The following SPAG16 variants were observed in gnomAD, a reference collection of about 807,000 sequenced individuals.
The protein encoded by SPAG16 is sperm associated antigen 16, also known as sperm-associated antigen 16 protein.
Under a neutral mutation model 80.4 loss-of-function variants are expected in SPAG16, and 86 were observed. The observed-to-expected ratio is 1.07, with a 90% CI of 0.90 to 1.28. The LOEUF (loss-of-function observed/expected upper bound fraction) is 1.28, where lower values mean the gene tolerates loss of function less well. SPAG16 is among the 50% of genes most tolerant of loss of function. SPAG16 has a pLI of 0.00. For missense variants in SPAG16, 870 were observed against 765.3 expected (o/e 1.14, Z -1.61); for synonymous variants, 294 against 265.9 (o/e 1.11, Z -1.03).
At chr2:214,300,357 G>T (rs1694460182) in intron 15 of SPAG16, among the ~76,000 whole-genome samples, 1 of 152,044 alleles carries the variant, frequency 6.6e-6, no homozygotes, top group Non-Finnish European at 1.5e-5. Flanking sequence ...AATTATTTTA[G>T]TCCTCCATTG....
intron 13 of SPAG16, among the ~76,000 whole-genome samples, chr2:214,060,173 T>G (rs551444761): frequency 1.3e-5 from 2 of 152,118 alleles, no homozygotes; most frequent in African/African-American, 4.8e-5. Flanking sequence ...GGAAAAAAAT[T>G]TTTCCCTATA....
chr2:213,322,334 C>CAAAAAAAA (rs755345457), intron 5 of SPAG16, among the ~76,000 whole-genome samples: 2 of 23,698 alleles, frequency 8.4e-5, no homozygotes, highest in African/African-American at 2.9e-4. Flanking sequence ...GTAGACAATG[C>CAAAAAAAA]AAAAAAAAAA....
At chr2:214,198,758 G>C (rs761048108) in intron 15 of SPAG16, among the ~76,000 whole-genome samples, 2 of 151,948 alleles carry the variant, frequency 1.3e-5, no homozygotes, top group Middle Eastern at 3.2e-3. Flanking sequence ...CCATATTCAT[G>C]CCAACATCTA....
intron 12 of SPAG16, among the ~76,000 whole-genome samples, chr2:213,949,718 G>T (rs2079650706): frequency 6.6e-6 from 1 of 152,020 alleles, no homozygotes; most frequent in Admixed American, 6.6e-5. Flanking sequence ...CATTTTTATT[G>T]CATAATGAGG....
At chr2:214,250,749 TATATATATAGAGAGAGAG>T (rs1690211772) in intron 15 of SPAG16, among the ~76,000 whole-genome samples, 2 of 92,778 alleles carry the variant, frequency 2.2e-5, no homozygotes, top group African/African-American at 6.8e-5. Context: ...TATATATATA[TATATATATAGAGAGAGAG>T]AGAGAGAGAG....
intron 10 of SPAG16, among the ~76,000 whole-genome samples, chr2:213,804,526 A>T (rs2071622606): frequency 6.6e-6 from 1 of 152,172 alleles, no homozygotes; most frequent in African/African-American, 2.4e-5. Flanking sequence ...TACTAAAAAT[A>T]CAAAAAATTA....
chr2:213,749,830 C>A (rs1401932654), intron 10 of SPAG16, among the ~76,000 whole-genome samples: 2 of 152,096 alleles, frequency 1.3e-5, no homozygotes, highest in African/African-American at 2.4e-5. Context: ...TTGACCAATT[C>A]TTTCCATAAG....
chr2:214,086,915 A>G (rs1378799553), intron 13 of SPAG16, among the ~76,000 whole-genome samples: 1 of 152,212 alleles, frequency 6.6e-6, no homozygotes, highest in East Asian at 1.9e-4. Context: ...GCAATGCCCA[A>G]TGAACAACAT....
At chr2:214,032,175 G>T (rs1045284982) in intron 13 of SPAG16, among the ~76,000 whole-genome samples, 1 of 152,098 alleles carries the variant, frequency 6.6e-6, no homozygotes, top group Non-Finnish European at 1.5e-5. Context: ...ACACTTGGGG[G>T]TCCCACATCA....
chr2:214,315,726 C>A (rs141343807), intron 15 of SPAG16, among the ~76,000 whole-genome samples: 2 of 151,848 alleles, frequency 1.3e-5, no homozygotes, highest in African/African-American at 4.8e-5. Flanking sequence ...GAGTTGGGGT[C>A]TCACTATGTT....
intron 6 of SPAG16, among the ~76,000 whole-genome samples, chr2:213,346,366 G>A (rs372914040): frequency 3.3e-5 from 5 of 151,908 alleles, no homozygotes; most frequent in Admixed American, 1.3e-4. Context: ...AATTGAATAC[G>A]CTTTATTTCC....
intron 5 of SPAG16, among the ~76,000 whole-genome samples, chr2:213,335,646 A>G (rs1477528066): frequency 6.6e-6 from 1 of 152,146 alleles, no homozygotes; most frequent in African/African-American, 2.4e-5. Flanking sequence ...TTATCTAATC[A>G]TTCATATATT....
At chr2:214,060,432 AGATTATG>A (rs142440288) in intron 13 of SPAG16, among the ~76,000 whole-genome samples, 2,244 of 152,324 alleles carry the variant, frequency 0.015, 60 homozygotes, top group African/African-American at 0.051. Flanking sequence ...TAATTCAGTA[AGATTATG>A]GGTTACTATA....
chr2:213,809,667 AATTACAATTAAAAAG>A (rs1022308645), intron 10 of SPAG16, among the ~76,000 whole-genome samples: 33 of 152,236 alleles, frequency 2.2e-4, no homozygotes, highest in African/African-American at 7.0e-4. Context: ...GGAAGTTTAA[AATTACAATTAAAAAG>A]AGAAGCTAAG....
chr2:213,808,724 C>T (rs559064446), intron 10 of SPAG16, among the ~76,000 whole-genome samples: 5 of 152,128 alleles, frequency 3.3e-5, no homozygotes, highest in African/African-American at 1.2e-4. Context: ...ACTGAGGTAT[C>T]TTTCATGTAT....
chr2:214,324,417 C>T (rs1559212956), intron 15 of SPAG16, among the ~76,000 whole-genome samples: 1 of 152,098 alleles, frequency 6.6e-6, no homozygotes, highest in Non-Finnish European at 1.5e-5. Flanking sequence ...GTTTTCAAAC[C>T]ACAAAAGGCA....
intron 10 of SPAG16, among the ~76,000 whole-genome samples, chr2:213,780,247 T>A (rs2069857721): frequency 6.6e-6 from 1 of 152,206 alleles, no homozygotes; most frequent in East Asian, 1.9e-4. Context: ...GAGATACCTT[T>A]ACTATCACAT....
chr2:214,041,966 GT>G (rs2049034902), intron 13 of SPAG16, among the ~76,000 whole-genome samples: 1 of 103,566 alleles, frequency 9.7e-6, no homozygotes, highest in African/African-American at 3.7e-5. Context: ...ATATATTTGT[GT>G]GTCTGTGTGT....
At chr2:213,486,070 ATAAATGT>A (rs1263241322) in intron 9 of SPAG16, among the ~76,000 whole-genome samples, 1 of 152,174 alleles carries the variant, frequency 6.6e-6, no homozygotes, top group Non-Finnish European at 1.5e-5. Flanking sequence ...TCTTTATGTT[ATAAATGT>A]TTGAATTATT....
Sources: gnomAD v4.1 joint callset for allele counts (sites outside exome capture counted in the v4.1 genomes callset) on GRCh38, gnomAD v4.1.1 for gene constraint, MANE v1.5 for transcripts, NCBI Gene and HGNC (gene_info 2026-07-23, HGNC 2026-07-21) for gene names.